Variants in SORCS2 observed in about 807,000 individuals in gnomAD.
The protein encoded by SORCS2 is sortilin related VPS10 domain containing receptor 2.
SORCS2 carries 100 observed loss-of-function variants against 141.6 expected under a neutral mutation model. The ratio of observed to expected loss-of-function variants is 0.71; its 90% CI spans 0.60 to 0.83. SORCS2 has a LOEUF of 0.83. Ranked by LOEUF, SORCS2 falls within the 40% of genes least tolerant of loss-of-function variation. The probability of loss-of-function intolerance (pLI) is 0.00; values close to 1 mark genes in which losing one functional copy is unlikely to be tolerated. For missense variants in SORCS2, 1,646 were observed against 1,560.2 expected, an observed-to-expected ratio of 1.05 and a Z score of -0.93; for synonymous variants, 789 against 676.9, an observed-to-expected ratio of 1.17 and a Z score of -2.57.
chr4:7,645,068 C>A (rs58342834), intron 4 of SORCS2, among the ~76,000 whole-genome samples: 21,988 of 152,184 alleles, frequency 0.14, 3,196 homozygotes, highest in African/African-American at 0.38. Flanking sequence ...GGCAGTGATG[C>A]CAATGGTAAC....
chr4:7,524,468 A>C (rs1174522216), intron 2 of SORCS2, among the ~76,000 whole-genome samples: 2 of 151,870 alleles, frequency 1.3e-5, no homozygotes, highest in African/African-American at 4.8e-5. Context: ...ACCTCAACTC[A>C]CGCCCTGGCC....
At chr4:7,228,956 G>A (rs907720255) in intron 1 of SORCS2, among the ~76,000 whole-genome samples, 10 of 152,210 alleles carry the variant, frequency 6.6e-5, no homozygotes, top group African/African-American at 1.2e-4. Flanking sequence ...GCCCATTCCC[G>A]TGGCCAGGCC....
intron 2 of SORCS2, among the ~76,000 whole-genome samples, chr4:7,401,441 C>CATTTT (rs1291904228): frequency 6.6e-6 from 1 of 152,136 alleles, no homozygotes; most frequent in East Asian, 1.9e-4. Context: ...AGACCCTTTA[C>CATTTT]ATTTACAGGG....
intron 25 of SORCS2, among the ~76,000 whole-genome samples, chr4:7,735,148 G>T (rs747830547): frequency 6.6e-6 from 1 of 152,204 alleles, no homozygotes; most frequent in Non-Finnish European, 1.5e-5. Flanking sequence ...CCCTGCAAAC[G>T]CAGCTCCCAG....
chr4:7,427,307 G>C (rs537042623), intron 2 of SORCS2, among the ~76,000 whole-genome samples: 1 of 152,266 alleles, frequency 6.6e-6, no homozygotes, highest in South Asian at 2.1e-4. Flanking sequence ...CCTTGCTTCG[G>C]AGCCAGACTC....
At chr4:7,394,359 C>T (rs1002016456) in intron 1 of SORCS2, among the ~76,000 whole-genome samples, 1 of 149,278 alleles carries the variant, frequency 6.7e-6, no homozygotes, top group Non-Finnish European at 1.5e-5. Context: ...GCAGTAGAAG[C>T]AGACCCTGTG....
At chr4:7,387,561 A>G (rs1723477704) in intron 1 of SORCS2, among the ~76,000 whole-genome samples, 1 of 150,814 alleles carries the variant, frequency 6.6e-6, no homozygotes, top group Non-Finnish European at 1.5e-5. Flanking sequence ...ACACATATGT[A>G]CACACGCACA....
chr4:7,545,437 T>G (rs1713181641), intron 3 of SORCS2, among the ~76,000 whole-genome samples: 1 of 152,170 alleles, frequency 6.6e-6, no homozygotes, highest in East Asian at 1.9e-4. Flanking sequence ...GCTCTTCACC[T>G]GTGTCATCCA....
chr4:7,304,414 T>G (rs768313762), intron 1 of SORCS2, among the ~76,000 whole-genome samples: 2 of 152,226 alleles, frequency 1.3e-5, no homozygotes, highest in Non-Finnish European at 2.9e-5. Flanking sequence ...AAGCATCTAT[T>G]TAGCATCTCT....
At chr4:7,368,573 G>C (rs570944301) in intron 1 of SORCS2, among the ~76,000 whole-genome samples, 1 of 152,206 alleles carries the variant, frequency 6.6e-6, no homozygotes, top group Non-Finnish European at 1.5e-5. Context: ...TTAGGGGCTG[G>C]TCCTGGTCAC....
intron 3 of SORCS2, among the ~76,000 whole-genome samples, chr4:7,534,395 A>C (rs1471829293): frequency 6.6e-6 from 1 of 152,218 alleles, no homozygotes; most frequent in African/African-American, 2.4e-5. Flanking sequence ...GGTGGGCTTG[A>C]CAGGTGAGTG....
chr4:7,380,204 A>C (rs1722900785), intron 1 of SORCS2, among the ~76,000 whole-genome samples: 1 of 152,184 alleles, frequency 6.6e-6, no homozygotes, highest in Non-Finnish European at 1.5e-5. Flanking sequence ...TGGAGCCTCC[A>C]CAGGAGCCTG....
At chr4:7,337,991 T>G (rs1050862743) in intron 1 of SORCS2, among the ~76,000 whole-genome samples, 3 of 152,196 alleles carry the variant, frequency 2.0e-5, no homozygotes, top group African/African-American at 4.8e-5. Context: ...CTAACCCTAC[T>G]GTTGCATCCC....
At chr4:7,684,809 G>C (rs1001902209) in intron 10 of SORCS2, among the ~76,000 whole-genome samples, 3 of 152,088 alleles carry the variant, frequency 2.0e-5, no homozygotes, top group African/African-American at 7.2e-5. Context: ...AAAATGGTGA[G>C]CCCCCTCCCC....
rs10032568 is a variant in SORCS2 at position 7,259,748 on chromosome 4, A to T, written c.480+66622A>T. Reference sequence around the variant, plus strand: ...CTTCTAGTCATCATCTCATTCACACATCACATGCCCTTGGGGTTCACAGCA... The same window carrying T: ...CTTCTAGTCATCATCTCATTCACACTTCACATGCCCTTGGGGTTCACAGCA... On this transcript the variant is annotated intron_variant, in intron 1 of 26. Transcript: ENST00000507866. Among the ~76,000 whole-genome samples the T allele has an allele frequency of 6.2e-3, 944 of 152,296 alleles. 14 individuals are homozygous for T. The highest frequency in any genetic ancestry group is 0.021 in the African/African-American group (890 of 41,566).
intron 8 of SORCS2, among the ~76,000 whole-genome samples, chr4:7,674,801 T>C (rs1165327877): frequency 1.5e-5 from 2 of 130,922 alleles, no homozygotes; most frequent in African/African-American, 6.9e-5. Flanking sequence ...TCTGTTATTG[T>C]ACAGAAAAAA....
At position 7,471,381 on chromosome 4, in the gene SORCS2, C is replaced by T. The variant is rs112673963; in HGVS notation, c.549-60149C>T. The stretch of plus-strand genomic sequence containing the variant: ...ATCTTTTCAATTAAATCCTCAGACG[C>T]GGCCAGGTCTCCATTTATAAATTCA... On this transcript the variant is annotated intron_variant, in intron 2 of 26. Coordinates refer to ENST00000507866, the MANE Select transcript of SORCS2 (RefSeq NM_020777.3). Among the ~76,000 whole-genome samples, 1,339 of 152,336 alleles carry T rather than the reference C, an allele frequency of 8.8e-3. 16 individuals carry two copies. Among genetic ancestry groups the T allele is most frequent in the African/African-American group, 0.031 (1,278 of 41,562 alleles).
intron 3 of SORCS2, among the ~76,000 whole-genome samples, chr4:7,561,917 A>G (rs912925441): frequency 2.6e-5 from 4 of 152,146 alleles, no homozygotes; most frequent in African/African-American, 9.7e-5. Flanking sequence ...TCATGCATCC[A>G]TCTACCTATC....
chr4:7,470,809 C>A (rs1367471339), intron 2 of SORCS2, among the ~76,000 whole-genome samples: 1 of 152,252 alleles, frequency 6.6e-6, no homozygotes, highest in African/African-American at 2.4e-5. Context: ...CTGACCACCC[C>A]ACTGCTTCAC....
Sources: gnomAD v4.1 joint callset for allele counts (sites outside exome capture counted in the v4.1 genomes callset) on GRCh38, gnomAD v4.1.1 for gene constraint, MANE v1.5 for transcripts, NCBI Gene and HGNC (gene_info 2026-07-23, HGNC 2026-07-21) for gene names.